Variants in UBE2E2 observed in about 807,000 individuals in gnomAD.
UBE2E2 encodes ubiquitin-conjugating enzyme E2 E2.
In UBE2E2, 6 loss-of-function variants were observed where a neutral mutation model predicts 24.7. That is an observed-to-expected ratio of 0.24 (90% CI 0.13 to 0.48). The LOEUF is 0.48. UBE2E2 is among the 20% of genes least tolerant of loss of function. The pLI is 0.99. For missense variants in UBE2E2, 169 were observed against 245.0 expected (o/e 0.69, Z 2.07); for synonymous variants, 104 against 83.6 (o/e 1.24, Z -1.33).
chr3:23,277,349 TA>T (rs1698395076), intron 3 of UBE2E2, among the ~76,000 whole-genome samples: 1 of 152,164 alleles, frequency 6.6e-6, no homozygotes, highest in African/African-American at 2.4e-5. Context: ...GACATGCTGA[TA>T]ATAAGATTTT....
chr3:23,488,505 A>G (rs1173267748), intron 3 of UBE2E2, among the ~76,000 whole-genome samples: 1 of 152,212 alleles, frequency 6.6e-6, no homozygotes, highest in Non-Finnish European at 1.5e-5. Flanking sequence ...TGTCCCTCAG[A>G]TCTGCCCCAT....
At chr3:23,246,222 A>ATTTTTTTTT (rs398051684) in intron 3 of UBE2E2, among the ~76,000 whole-genome samples, 7,101 of 101,962 alleles carry the variant, frequency 0.07, 893 homozygotes, top group Non-Finnish European at 0.088. Context: ...TGCGTGGCTA[A>ATTTTTTTTT]TTTTTTTTTT....
intron 3 of UBE2E2, among the ~76,000 whole-genome samples, chr3:23,436,098 C>T (rs946024828): frequency 3.3e-5 from 5 of 152,202 alleles, no homozygotes; most frequent in South Asian, 2.1e-4. Flanking sequence ...GCTCCCCAGC[C>T]GCTCACCTCC....
chr3:23,390,118 G>C (rs759843425), intron 3 of UBE2E2, among the ~76,000 whole-genome samples: 2 of 152,108 alleles, frequency 1.3e-5, no homozygotes, highest in Admixed American at 1.3e-4. Flanking sequence ...AACTAGTATT[G>C]ATGTGGATAA....
At chr3:23,519,675 G>GT (rs1000881664) in intron 4 of UBE2E2, among the ~76,000 whole-genome samples, 5 of 151,552 alleles carry the variant, frequency 3.3e-5, no homozygotes, top group African/African-American at 9.7e-5. Context: ...ATGTGTGAGG[G>GT]TTTTTTTTGT....
chr3:23,548,969 A>T (rs1559418297), intron 5 of UBE2E2, among the ~76,000 whole-genome samples: 1 of 152,194 alleles, frequency 6.6e-6, no homozygotes, highest in African/African-American at 2.4e-5. Flanking sequence ...ACATAGTAGC[A>T]ACTCTGAAAA....
intron 3 of UBE2E2, among the ~76,000 whole-genome samples, chr3:23,477,299 C>T (rs1318177769): frequency 6.6e-6 from 1 of 152,130 alleles, no homozygotes; most frequent in Admixed American, 6.5e-5. Context: ...TAGAAAAATG[C>T]AACTTGTGTA....
intron 3 of UBE2E2, among the ~76,000 whole-genome samples, chr3:23,419,607 G>T (rs896978917): frequency 6.6e-6 from 1 of 152,170 alleles, no homozygotes; most frequent in African/African-American, 2.4e-5. Flanking sequence ...TTCTTGCAGA[G>T]ATTATTTCCA....
At chr3:23,283,205 G>A (rs539501929) in intron 3 of UBE2E2, among the ~76,000 whole-genome samples, 4 of 152,050 alleles carry the variant, frequency 2.6e-5, no homozygotes, top group Admixed American at 6.6e-5. Flanking sequence ...AAGGCAACCA[G>A]TAAAAAACTT....
intron 3 of UBE2E2, among the ~76,000 whole-genome samples, chr3:23,344,879 GATGA>G (rs61356176): frequency 0.014 from 2,179 of 151,830 alleles, 43 homozygotes; most frequent in African/African-American, 0.049. Flanking sequence ...TTAAATGTTT[GATGA>G]ATGAATTAAT....
At chr3:23,262,843 G>A (rs1199857571) in intron 3 of UBE2E2, among the ~76,000 whole-genome samples, 3 of 152,256 alleles carry the variant, frequency 2.0e-5, no homozygotes, top group African/African-American at 7.2e-5. Flanking sequence ...CGAGAAAAAT[G>A]TCAAGGAGAT....
chr3:23,448,278 A>G (rs1698477918), intron 3 of UBE2E2, among the ~76,000 whole-genome samples: 1 of 152,190 alleles, frequency 6.6e-6, no homozygotes, highest in Non-Finnish European at 1.5e-5. Context: ...CAACTCCTGA[A>G]AGGCATTTCT....
intron 3 of UBE2E2, among the ~76,000 whole-genome samples, chr3:23,312,452 C>A (rs1253943318): frequency 6.6e-6 from 1 of 152,006 alleles, no homozygotes; most frequent in Non-Finnish European, 1.5e-5. Context: ...TATAACCCAC[C>A]CTGATGTGCT....
intron 3 of UBE2E2, among the ~76,000 whole-genome samples, chr3:23,388,058 A>T (rs1696841652): frequency 6.6e-6 from 1 of 152,198 alleles, no homozygotes; most frequent in African/African-American, 2.4e-5. Flanking sequence ...ATTGGGCCTT[A>T]TGCTGCTTTT....
chr3:23,440,584 T>C (rs1428456378), intron 3 of UBE2E2, among the ~76,000 whole-genome samples: 1 of 152,206 alleles, frequency 6.6e-6, no homozygotes, highest in Non-Finnish European at 1.5e-5. Context: ...AGTGGTCAGA[T>C]CATGCCAGCC....
chr3:23,367,466 A>C (rs1462363041), intron 3 of UBE2E2, among the ~76,000 whole-genome samples: 1 of 152,162 alleles, frequency 6.6e-6, no homozygotes, highest in African/African-American at 2.4e-5. Context: ...TGCTTATGTT[A>C]TGAAACCTCC....
rs575812368 is a variant in UBE2E2 at position 23,405,731 on chromosome 3, CTT to C, written c.228-93875_228-93874del. ...AGATGGCAAGTTCATTTACCACACTCTTTAACATTTTGTTTAGTTTTAACCTT... is the reference window on the plus strand; with the variant it reads ...AGATGGCAAGTTCATTTACCACACTCTAACATTTTGTTTAGTTTTAACCTT... On this transcript the variant is annotated intron_variant, in intron 3 of 5. Transcript: ENST00000396703. Among the ~76,000 whole-genome samples the C allele has an allele frequency of 3.5e-4, 54 of 152,240 alleles. No homozygotes were observed. The East Asian group carries it at 8.9e-3, about 25-fold the overall frequency.
At chr3:23,509,631 G>A (rs12488059) in intron 4 of UBE2E2, among the ~76,000 whole-genome samples, 3 of 151,852 alleles carry the variant, frequency 2.0e-5, no homozygotes, top group South Asian at 2.1e-4. Context: ...ACAACATGTA[G>A]GTTTGTTACA....
intron 4 of UBE2E2, among the ~76,000 whole-genome samples, chr3:23,515,161 ATATAGAGAGAGAGATACATACATATG>A (rs1278909791): frequency 4.0e-5 from 6 of 151,870 alleles, no homozygotes; most frequent in African/African-American, 7.3e-5. Flanking sequence ...GTGTACATAT[ATATAGAGAGAGAGATACATACATATG>A]TATAGAGAGA....
Sources: gnomAD v4.1 joint callset for allele counts (sites outside exome capture counted in the v4.1 genomes callset) on GRCh38, gnomAD v4.1.1 for gene constraint, MANE v1.5 for transcripts, NCBI Gene and HGNC (gene_info 2026-07-23, HGNC 2026-07-21) for gene names.